Variants in SYTL2 observed in about 807,000 individuals in gnomAD.
SYTL2 encodes synaptotagmin-like protein 2.
In SYTL2, 165 loss-of-function variants were observed where a neutral mutation model predicts 198.7. The observed-to-expected ratio is 0.83, with a 90% CI of 0.73 to 0.94. The LOEUF (loss-of-function observed/expected upper bound fraction) is 0.94, where lower values mean the gene tolerates loss of function less well. SYTL2 is among the 40% of genes least tolerant of loss of function. SYTL2 has a pLI of 0.00. For missense variants in SYTL2, 2,835 were observed against 2,582.8 expected (o/e 1.10, Z -2.12); for synonymous variants, 966 against 917.7 (o/e 1.05, Z -0.95).
At chr11:85,852,023 G>C in the SYTL2 span, among the ~76,000 whole-genome samples, 1 of 152,116 alleles carries the variant, frequency 6.6e-6, no homozygotes, top group Non-Finnish European at 1.5e-5. Context: ...GGTGGAACAC[G>C]TAAGTTATCT....
chr11:85,719,487 T>C, intron 9 of SYTL2: 1 of 219,304 alleles, frequency 4.6e-6, no homozygotes, highest in Non-Finnish European at 7.8e-6. Context: ...GTTTGCTAAA[T>C]GGGCCAATTG....
chr11:85,717,653 A>T, intron 10 of SYTL2, 123 bp from the exon 11 acceptor site: 1 of 827,964 alleles, frequency 1.2e-6, no homozygotes, highest in Non-Finnish European at 2.1e-6. Flanking sequence ...ACAGGTTTTC[A>T]TCTTGCTTTC....
intron 1 of SYTL2, among the ~76,000 whole-genome samples, chr11:85,774,069 G>A (rs1470296721): frequency 6.6e-6 from 1 of 152,084 alleles, no homozygotes; most frequent in African/African-American, 2.4e-5. Context: ...CAGCAAGAAA[G>A]AATGTGATAT....
At chr11:85,852,296 T>C in the SYTL2 span, among the ~76,000 whole-genome samples, 1 of 152,184 alleles carries the variant, frequency 6.6e-6, no homozygotes, top group Non-Finnish European at 1.5e-5. Flanking sequence ...AGTAATTGAC[T>C]GAAATGTAAC....
At chr11:85,801,856 T>C (rs2092893042) in intron 1 of SYTL2, among the ~76,000 whole-genome samples, 1 of 150,610 alleles carries the variant, frequency 6.6e-6, no homozygotes, top group South Asian at 2.1e-4. Context: ...AGTCTTACAC[T>C]GTCGCTGGAG....
intron 1 of SYTL2, among the ~76,000 whole-genome samples, chr11:85,799,561 T>C (rs772564121): frequency 2.0e-5 from 3 of 152,248 alleles, no homozygotes; most frequent in Non-Finnish European, 4.4e-5. Context: ...ACACTCTTCA[T>C]GATCAGCCCA....
chr11:85,719,062 T>C (rs1321453893), intron 9 of SYTL2: 3 of 1,511,490 alleles, frequency 2.0e-6, no homozygotes, highest in Non-Finnish European at 2.7e-6. Flanking sequence ...GCAGCTCACA[T>C]CACTGCTGCA....
At chr11:85,790,268 T>A (rs527276876) in intron 1 of SYTL2, among the ~76,000 whole-genome samples, 10 of 152,184 alleles carry the variant, frequency 6.6e-5, no homozygotes, top group Non-Finnish European at 1.0e-4. Context: ...TTAGAGATGC[T>A]CAACCTGTAT....
At chr11:85,791,419 A>C (rs1029869824) in intron 1 of SYTL2, among the ~76,000 whole-genome samples, 12 of 152,172 alleles carry the variant, frequency 7.9e-5, no homozygotes, top group African/African-American at 2.4e-5. Flanking sequence ...CAGCAAGTTC[A>C]AAGACACCAA....
chr11:85,716,585 T>C (rs1420948388), intron 11 of SYTL2: 2 of 152,056 alleles, frequency 1.3e-5, no homozygotes, highest in African/African-American at 4.8e-5. Context: ...TGTTGGGAAA[T>C]TATTATTTAA....
rs755730984 is a variant in SYTL2, at chr11:85,726,509, G to A, written c.2849C>T (p.Pro950Leu). The change falls in exon 8 of 20, where the codon CCT (proline) becomes CTT (leucine). Residue 950 changes from proline to leucine, a missense_variant. Coordinates refer to ENST00000359152, the MANE Select transcript of SYTL2 (RefSeq NM_206927.4). ...GTTGGCATTTGATTCACGAACTAGA[G>A]GTCTGTCTTTCTCCAATGGAGCATG... ...ERHAPLEKDRPLVRESNANFK... is the reference protein window; with the variant it reads ...ERHAPLEKDRLLVRESNANFK... 7 of 1,605,902 alleles carry A rather than the reference G, an allele frequency of 4.4e-6. No individual in the cohort carries two copies. Among genetic ancestry groups the A allele is most frequent in the Middle Eastern group, 1.7e-4 (1 of 6,060 alleles).
chr11:85,817,472 A>G, the SYTL2 span, among the ~76,000 whole-genome samples: 1 of 152,254 alleles, frequency 6.6e-6, no homozygotes, highest in Non-Finnish European at 1.5e-5. Flanking sequence ...TTTTGAATAT[A>G]TTAAATGAAA....
chr11:85,726,697 T>G lies in SYTL2; in HGVS notation c.2661A>C (p.Pro887=). The change falls in exon 8 of 20, where the codon CCA becomes CCC. Residue 887 remains proline, a synonymous_variant. Transcript: ENST00000359152. ...GCTCAGCTGAAAGATAGTATCTGGA[T>G]GGACCTGCTATTTGTGGCTTGGTCT... ...SKETKPQIAG[P]SRYYLSAEQS... The G allele has an allele frequency of 2.0e-6, 3 of 1,536,376 alleles. No homozygotes were observed. Among genetic ancestry groups the G allele is most frequent in the Non-Finnish European group, 2.6e-6 (3 of 1,146,954 alleles).
chr11:85,819,200 T>C, the SYTL2 span, among the ~76,000 whole-genome samples: 1 of 152,150 alleles, frequency 6.6e-6, no homozygotes, highest in African/African-American at 2.4e-5. Context: ...TGCTTACTTG[T>C]TTGCAAAAAA....
intron 13 of SYTL2, 113 bp downstream of exon 13, chr11:85,711,000 C>A: frequency 2.6e-6 from 3 of 1,157,964 alleles, no homozygotes; most frequent in South Asian, 1.8e-5. Context: ...ATTAGAGAAA[C>A]TGTTTGTGCC....
chr11:85,744,433 T>C (rs576455491), intron 4 of SYTL2, among the ~76,000 whole-genome samples: 1 of 152,260 alleles, frequency 6.6e-6, no homozygotes, highest in South Asian at 2.1e-4. Flanking sequence ...TATAAAAGAA[T>C]ATTACAAATA....
rs532792211 is a variant in SYTL2 at position 85,795,194 on chromosome 11, T to C, written c.-390+15760A>G. Among the ~76,000 whole-genome samples, 27 of 152,308 alleles carry C rather than the reference T, an allele frequency of 1.8e-4. 1 individual carries two copies. In the South Asian group the frequency reaches 5.6e-3, roughly 32 times the overall value. The stretch of plus-strand genomic sequence containing the variant: ...ATTAGCTAATATAAGTATTAGCTGT[T>C]ATTATTACTACCACCACCGCTAAGT... On this transcript the variant is annotated intron_variant, in intron 1 of 19. Coordinates refer to ENST00000359152, the MANE Select transcript of SYTL2 (RefSeq NM_206927.4).
At chr11:85,804,010 G>C (rs2092925477) in intron 1 of SYTL2, among the ~76,000 whole-genome samples, 1 of 152,180 alleles carries the variant, frequency 6.6e-6, no homozygotes, top group Admixed American at 6.5e-5. Context: ...GCTTTTCTAA[G>C]TAAAGGACTA....
At chr11:85,754,489 A>G (rs1409162477) in intron 2 of SYTL2, among the ~76,000 whole-genome samples, 1 of 152,226 alleles carries the variant, frequency 6.6e-6, no homozygotes, top group African/African-American at 2.4e-5. Flanking sequence ...ATGTGCCAGG[A>G]AGATTAAAAA....
Sources: allele counts gnomAD v4.1 joint callset (sites outside exome capture counted in the v4.1 genomes callset), GRCh38; gene constraint gnomAD v4.1.1; transcripts MANE v1.5; gene names NCBI Gene and HGNC (gene_info 2026-07-23, HGNC 2026-07-21).